The following HS3ST4 variants were observed in gnomAD, a reference collection of about 807,000 sequenced individuals.
The protein encoded by HS3ST4 is heparan sulfate glucosamine 3-O-sulfotransferase 4.
In HS3ST4, 17 loss-of-function variants were observed where a neutral mutation model predicts 29.2. The observed-to-expected ratio is 0.58, with a 90% confidence interval of 0.40 to 0.87. HS3ST4 has a LOEUF of 0.87. HS3ST4 is among the 40% of genes least tolerant of loss of function. The probability of loss-of-function intolerance (pLI) is 0.00; values close to 1 mark genes in which losing one functional copy is unlikely to be tolerated. For synonymous variants in HS3ST4, 314 were observed against 285.7 expected, an observed-to-expected ratio of 1.10 and a Z score of -1.00; for missense variants, 627 against 634.5, an observed-to-expected ratio of 0.99 and a Z score of 0.13.
At chr16:25,918,519 A>G (rs1291906827) in intron 1 of HS3ST4, among the ~76,000 whole-genome samples, 3 of 152,240 alleles carry the variant, frequency 2.0e-5, no homozygotes, top group Non-Finnish European at 2.9e-5. Context: ...AGCATGTAGC[A>G]TGAGTAGTTT....
At chr16:25,853,718 A>G (rs1262611178) in intron 1 of HS3ST4, among the ~76,000 whole-genome samples, 1 of 152,168 alleles carries the variant, frequency 6.6e-6, no homozygotes, top group East Asian at 1.9e-4. Flanking sequence ...GGTAAATCCC[A>G]CTTCATCATG....
intron 1 of HS3ST4, among the ~76,000 whole-genome samples, chr16:25,859,731 A>G (rs1367260135): frequency 6.6e-6 from 1 of 152,240 alleles, no homozygotes; most frequent in Non-Finnish European, 1.5e-5. Context: ...CAAAGAAAAT[A>G]TACAGATGGC....
At chr16:26,016,302 C>T (rs1035083667) in intron 1 of HS3ST4, among the ~76,000 whole-genome samples, 1 of 152,166 alleles carries the variant, frequency 6.6e-6, no homozygotes, top group Non-Finnish European at 1.5e-5. Context: ...CTGACACAGT[C>T]TAGGTCAGAG....
intron 1 of HS3ST4, among the ~76,000 whole-genome samples, chr16:25,965,787 C>T (rs1350045413): frequency 1.3e-5 from 2 of 152,198 alleles, no homozygotes; most frequent in Admixed American, 6.5e-5. Flanking sequence ...TACTTGATTG[C>T]AACATTATGT....
chr16:25,784,050 A>G (rs373644504), intron 1 of HS3ST4, among the ~76,000 whole-genome samples: 2 of 152,152 alleles, frequency 1.3e-5, no homozygotes, highest in African/African-American at 4.8e-5. Context: ...AAACTTTTTC[A>G]TTATTCTTAT....
At position 25,936,196 on chromosome 16, in the gene HS3ST4, G is replaced by A. The variant is rs754252325; in HGVS notation, c.735-199416G>A. On this transcript the variant is annotated intron_variant, in intron 1 of 1. Coordinates refer to ENST00000331351, the MANE Select transcript of HS3ST4 (RefSeq NM_006040.3). The stretch of plus-strand genomic sequence containing the variant: ...CATTATGTGGATTTCCAGCAGGAAT[G>A]GATATTTCTTTCAGCACCTGGAGAG... Among the ~76,000 whole-genome samples, 6 of 152,190 alleles carry A rather than the reference G, an allele frequency of 3.9e-5. 1 individual carries two copies. Among genetic ancestry groups the A allele is most frequent in the Non-Finnish European group, 5.9e-5 (4 of 68,048 alleles).
intron 1 of HS3ST4, among the ~76,000 whole-genome samples, chr16:25,951,987 A>G (rs1303544036): frequency 6.9e-6 from 1 of 145,886 alleles, no homozygotes; most frequent in Non-Finnish European, 1.5e-5. Flanking sequence ...AGAATTAAAT[A>G]AAAAAGAAAA....
intron 1 of HS3ST4, among the ~76,000 whole-genome samples, chr16:26,030,249 TA>T (rs1474063618): frequency 6.6e-6 from 1 of 152,218 alleles, no homozygotes. Flanking sequence ...TCTTCACCTG[TA>T]AAAAGGAAAT....
At chr16:25,783,596 G>A (rs1202664729) in intron 1 of HS3ST4, among the ~76,000 whole-genome samples, 1 of 152,068 alleles carries the variant, frequency 6.6e-6, no homozygotes, top group Admixed American at 6.6e-5. Flanking sequence ...CAAGGTAACA[G>A]CAAAAAGTAT....
intron 1 of HS3ST4, among the ~76,000 whole-genome samples, chr16:26,042,484 T>C (rs1368014640): frequency 6.6e-6 from 1 of 152,212 alleles, no homozygotes; most frequent in African/African-American, 2.4e-5. Context: ...TAACATCCAT[T>C]ATTTCTCTGT....
At chr16:25,903,520 T>G (rs144306980) in intron 1 of HS3ST4, among the ~76,000 whole-genome samples, 1,734 of 152,168 alleles carry the variant, frequency 0.011, 18 homozygotes, top group Middle Eastern at 0.017. Flanking sequence ...CCTTCAACTT[T>G]GCACAGTCCA....
chr16:25,737,429 T>G (rs1172091806), intron 1 of HS3ST4, among the ~76,000 whole-genome samples: 1 of 152,210 alleles, frequency 6.6e-6, no homozygotes, highest in Middle Eastern at 3.2e-3. Flanking sequence ...AATGCAAGCA[T>G]ATCTTTTACA....
chr16:26,015,294 A>G (rs1033797101), intron 1 of HS3ST4, among the ~76,000 whole-genome samples: 7 of 152,240 alleles, frequency 4.6e-5, no homozygotes, highest in Admixed American at 2.0e-4. Context: ...ATGTTTAATT[A>G]TAGTGAAACG....
intron 1 of HS3ST4, among the ~76,000 whole-genome samples, chr16:26,130,238 G>A (rs180913890): frequency 3.3e-5 from 5 of 152,182 alleles, no homozygotes; most frequent in African/African-American, 9.7e-5. Context: ...TACTGTTAAC[G>A]AGCTGTGCCA....
chr16:26,104,799 T>C (rs1899030423), intron 1 of HS3ST4, among the ~76,000 whole-genome samples: 1 of 152,232 alleles, frequency 6.6e-6, no homozygotes, highest in African/African-American at 2.4e-5. Context: ...TCTCTAAAAA[T>C]GGCAGCTCTA....
intron 1 of HS3ST4, among the ~76,000 whole-genome samples, chr16:25,776,353 A>G (rs1966847518): frequency 6.6e-6 from 1 of 152,200 alleles, no homozygotes; most frequent in Non-Finnish European, 1.5e-5. Context: ...AGATAAATGG[A>G]TATCTGATTG....
intron 1 of HS3ST4, chr16:26,028,782 C>A (rs976248248): frequency 6.6e-6 from 1 of 152,204 alleles, no homozygotes; most frequent in African/African-American, 2.4e-5. Context: ...TATCTCTGGG[C>A]GGAGCCTAGC....
intron 1 of HS3ST4, among the ~76,000 whole-genome samples, chr16:25,930,878 C>A (rs529565972): frequency 6.5e-4 from 99 of 152,176 alleles, no homozygotes; most frequent in African/African-American, 2.2e-3. Context: ...GATCCAATGA[C>A]CATGAGTTTT....
At chr16:25,930,948 G>GT (rs561687141) in intron 1 of HS3ST4, among the ~76,000 whole-genome samples, 27 of 152,020 alleles carry the variant, frequency 1.8e-4, no homozygotes, top group South Asian at 8.3e-4. Flanking sequence ...TAATTTTTGT[G>GT]TTTTTTATAG....
Sources: allele counts gnomAD v4.1 joint callset (sites outside exome capture counted in the v4.1 genomes callset), GRCh38; gene constraint gnomAD v4.1.1; transcripts MANE v1.5; gene names NCBI Gene and HGNC (gene_info 2026-07-23, HGNC 2026-07-21).